ABCA1: variants seen among roughly 807,000 people sequenced by gnomAD.
ABCA1 encodes phospholipid-transporting ATPase ABCA1.
Under a neutral mutation model 262.5 loss-of-function variants are expected in ABCA1, and 133 were observed. That is an observed-to-expected ratio of 0.51 (90% CI 0.44 to 0.59). The LOEUF is 0.59. Ranked by LOEUF, ABCA1 falls within the 20% of genes least tolerant of loss-of-function variation. ABCA1 has a pLI of 0.00. For missense variants in ABCA1, 2,452 were observed against 2,777.5 expected (o/e 0.88, Z 2.63); for synonymous variants, 1,022 against 1,043.5 (o/e 0.98, Z 0.40).
intron 33 of ABCA1, 70 bp from the exon 34 acceptor site, chr9:104,802,229 C>T (rs1830401528): frequency 5.1e-6 from 7 of 1,370,086 alleles, no homozygotes; most frequent in African/African-American, 1.4e-5. Flanking sequence ...AGACTCAGTG[C>T]GAGTGTGTAC....
chr9:104,904,539 A>G (rs1413906298), intron 1 of ABCA1, among the ~76,000 whole-genome samples: 1 of 149,518 alleles, frequency 6.7e-6, no homozygotes, highest in Non-Finnish European at 1.5e-5. Flanking sequence ...ACACTCCAGC[A>G]TGGCGACAGA....
intron 31 of ABCA1, among the ~76,000 whole-genome samples, chr9:104,804,993 T>G (rs1025854961): frequency 8.5e-5 from 13 of 152,204 alleles, no homozygotes; most frequent in Non-Finnish European, 1.9e-4. Flanking sequence ...GTCAAGAGAT[T>G]TTTAGGAAGC....
chr9:104,818,958 G>T lies in ABCA1; in HGVS notation c.3242-75C>A, dbSNP rs977804516. 11 of 1,372,816 alleles carry T rather than the reference G, an allele frequency of 8.0e-6. No homozygotes were observed. The Admixed American group carries it at 9.8e-5, about 12-fold the overall frequency. 85.0% of individuals were successfully genotyped at this position (1,372,816 alleles called of 1,614,324 possible). On this transcript the variant is annotated intron_variant, in intron 22 of 49. Coordinates refer to ENST00000374736, the MANE Select transcript of ABCA1 (RefSeq NM_005502.4). Reference sequence around the variant, plus strand: ...TGATTTGTCACAGTGACAGGGACTAGAGAGATATTAGCAGGGGTAAGCACT... The same window carrying T: ...TGATTTGTCACAGTGACAGGGACTATAGAGATATTAGCAGGGGTAAGCACT...
At chr9:104,821,929 TAAAA>T (rs987596524) in intron 19 of ABCA1, among the ~76,000 whole-genome samples, 3 of 152,140 alleles carry the variant, frequency 2.0e-5, no homozygotes, top group Non-Finnish European at 4.4e-5. Context: ...TTCTATGTTT[TAAAA>T]AAAGATTAAA....
intron 22 of ABCA1, among the ~76,000 whole-genome samples, chr9:104,819,184 A>G (rs1832046028): frequency 6.6e-6 from 1 of 152,188 alleles, no homozygotes; most frequent in Non-Finnish European, 1.5e-5. Context: ...AAGCACCACT[A>G]TTATTATCGG....
chr9:104,861,571 C>G, intron 6 of ABCA1, 108 bp downstream of exon 6: 1 of 1,467,938 alleles, frequency 6.8e-7, no homozygotes, highest in Non-Finnish European at 9.5e-7. Flanking sequence ...AACTACCTCC[C>G]TCCCCTTCAC....
chr9:104,840,416 C>G lies in ABCA1; in HGVS notation c.917G>C (p.Arg306Pro). Residue 306 changes from arginine (R) to proline (P), a missense_variant, in exon 9 of 50, where the codon CGT becomes CCT. Arg to Pro is a moderately radical substitution (Grantham distance 103). Around this residue, in one of 4 missense-constraint regions of ABCA1, gnomAD observed 1,032 missense variants for 1,089.7 expected, o/e 0.95. Coordinates refer to ENST00000374736, the MANE Select transcript of ABCA1 (RefSeq NM_005502.4). ...SSTQIYQAVS[R>P]IVCGHPEGGG... ...TCCCTCGGGATGCCCGCAGACAATACGAGACACAGCCTGGTAGATTTGGGT... is the reference window on the plus strand; with the variant it reads ...TCCCTCGGGATGCCCGCAGACAATAGGAGACACAGCCTGGTAGATTTGGGT... 6.2e-7 allele frequency: 1 copy of G among 1,614,154 alleles called. No individual in the cohort carries two copies. Among genetic ancestry groups the G allele is most frequent in the Non-Finnish European group, 8.5e-7 (1 of 1,180,036 alleles).
intron 47 of ABCA1, 60 bp from the exon 48 acceptor site, chr9:104,786,450 T>A: frequency 7.1e-7 from 1 of 1,416,054 alleles, no homozygotes. Flanking sequence ...CATGAGAACA[T>A]CACCATGACT....
At chr9:104,790,655 T>TA (rs1312959537) in intron 44 of ABCA1, among the ~76,000 whole-genome samples, 1 of 152,162 alleles carries the variant, frequency 6.6e-6, no homozygotes, top group Admixed American at 6.5e-5. Context: ...ATTATACTCT[T>TA]AAAAAACAAG....
chr9:104,904,247 G>A (rs1171071233), intron 1 of ABCA1, among the ~76,000 whole-genome samples: 2 of 152,054 alleles, frequency 1.3e-5, no homozygotes, highest in Non-Finnish European at 2.9e-5. Flanking sequence ...ATTTTCAGTG[G>A]GTTATACAAC....
At position 104,793,274 on chromosome 9, in the gene ABCA1, AT is replaced by A; in HGVS notation, c.5532del (p.Leu1844PhefsTer26). On this transcript the variant is annotated frameshift_variant, in exon 41 of 50. Transcript: ENST00000374736. LOFTEE classifies it high-confidence loss of function. The stretch of plus-strand genomic sequence containing the variant: ...AGGTTTCGTCCCACCAAGTCCCAAG[AT>A]AATGGTGACACAAAGCGATTCTCCC... The part of the protein sequence containing the change: ...RFGENRFVSP[L>X]SWDLVGRNLF... 1 of 1,614,130 alleles carries A rather than the reference AT, an allele frequency of 6.2e-7. No individual in the cohort carries two copies. Among genetic ancestry groups the A allele is most frequent in the South Asian group, 1.1e-5 (1 of 91,076 alleles).
At chr9:104,852,635 C>T (rs1233959456) in intron 7 of ABCA1, among the ~76,000 whole-genome samples, 2 of 152,286 alleles carry the variant, frequency 1.3e-5, no homozygotes, top group South Asian at 2.1e-4. Context: ...CCAGCTAGTG[C>T]TCTTCTTTTC....
intron 1 of ABCA1, among the ~76,000 whole-genome samples, chr9:104,906,750 C>CAAAAAAAAAAAA (rs35167860): frequency 3.6e-5 from 3 of 83,040 alleles, no homozygotes; most frequent in East Asian, 3.4e-4. Flanking sequence ...AAACCAAAAT[C>CAAAAAAAAAAAA]AAAAAAAAAA....
At chr9:104,821,733 T>A (rs1348682431) in intron 19 of ABCA1, among the ~76,000 whole-genome samples, 1 of 152,258 alleles carries the variant, frequency 6.6e-6, no homozygotes, top group Non-Finnish European at 1.5e-5. Flanking sequence ...GAGCATTTTT[T>A]AAACGAAGTT....
In ABCA1 at chr9:104,806,504, T is replaced by C. The variant is rs1029629636; in HGVS notation, c.4275-74A>G. 13 of 1,458,178 alleles carry C rather than the reference T, an allele frequency of 8.9e-6. No homozygotes were observed. The African/African-American group carries it at 1.7e-4, about 19-fold the overall frequency. 90.3% of individuals were successfully genotyped at this position (1,458,178 alleles called of 1,614,324 possible). A position where few individuals can be genotyped will look rare whatever the true frequency, so the allele number is the denominator to read the frequency against. ...TTTCTGTTGCCTCAGGAGCACAGGATCATTCCGTAACAACCACAAACATGC... is the reference window on the plus strand; with the variant it reads ...TTTCTGTTGCCTCAGGAGCACAGGACCATTCCGTAACAACCACAAACATGC... On this transcript the variant is annotated intron_variant, in intron 30 of 49. Coordinates refer to ENST00000374736, the MANE Select transcript of ABCA1 (RefSeq NM_005502.4).
chr9:104,876,860 T>C, intron 5 of ABCA1, among the ~76,000 whole-genome samples: 1 of 152,170 alleles, frequency 6.6e-6, no homozygotes, highest in East Asian at 1.9e-4. Flanking sequence ...GCAGTGCTTC[T>C]TGCCCCACCA....
chr9:104,848,454 A>G (rs992767282), intron 7 of ABCA1, among the ~76,000 whole-genome samples: 1 of 152,026 alleles, frequency 6.6e-6, no homozygotes, highest in African/African-American at 2.4e-5. Flanking sequence ...CTCTCTACTA[A>G]AAGTACAAAA....
chr9:104,882,265 A>C (rs1223621794), intron 5 of ABCA1, among the ~76,000 whole-genome samples: 1 of 152,102 alleles, frequency 6.6e-6, no homozygotes, highest in African/African-American at 2.4e-5. Context: ...GTTTAGAACC[A>C]CCGGCGCATG....
At chr9:104,835,305 C>T (rs552246813) in intron 11 of ABCA1, among the ~76,000 whole-genome samples, 1 of 152,028 alleles carries the variant, frequency 6.6e-6, no homozygotes, top group Admixed American at 6.5e-5. Context: ...GGAAGAGGTT[C>T]CCTTTTCTTC....
Sources: gnomAD v4.1 joint callset for allele counts (sites outside exome capture counted in the v4.1 genomes callset) on GRCh38, gnomAD v4.1.1 for gene constraint, gnomAD v4.1.1 regional missense constraint, MANE v1.5 for transcripts, NCBI Gene and HGNC (gene_info 2026-07-23, HGNC 2026-07-21) for gene names.